Variants in NRG3 observed in about 807,000 individuals in gnomAD.
NRG3 encodes the protein pro-neuregulin-3, membrane-bound isoform.
Under a neutral mutation model 66.9 loss-of-function variants are expected in NRG3, and 31 were observed. The observed-to-expected ratio is 0.46, with a 90% CI of 0.35 to 0.63. The LOEUF is 0.63. Ranked by LOEUF, NRG3 falls within the 20% of genes least tolerant of loss-of-function variation. The probability of loss-of-function intolerance (pLI) is 0.00; values close to 1 mark genes in which losing one functional copy is unlikely to be tolerated. For missense variants in NRG3, 910 were observed against 878.9 expected (o/e 1.04, Z -0.45); for synonymous variants, 393 against 359.4 (o/e 1.09, Z -1.06).
intron 1 of NRG3, among the ~76,000 whole-genome samples, chr10:82,114,496 G>A (rs1043314189): frequency 5.3e-5 from 8 of 152,132 alleles, no homozygotes; most frequent in Admixed American, 3.9e-4. Context: ...AGCTGTGCCT[G>A]TAAGAAAAGA....
At chr10:81,876,295 C>A in intron 1 of NRG3, 132 bp downstream of exon 1, 1 of 1,280,170 alleles carries the variant, frequency 7.8e-7, no homozygotes, top group Non-Finnish European at 1.1e-6. Context: ...AGAGTGAGAG[C>A]TGATTAAAAC....
At position 82,576,572 on chromosome 10, in the gene NRG3, T is replaced by G. The variant is rs193162676; in HGVS notation, c.954-162005T>G. On this transcript the variant is annotated intron_variant, in intron 2 of 8. Transcript: ENST00000372141. ...GTGAGGGTTCATAGTTGGGGAAATA[T>G]AGAAAAAGGAAATGCTTATAACTTA... Among the ~76,000 whole-genome samples, 44 of 151,826 alleles carry G rather than the reference T, an allele frequency of 2.9e-4. 1 individual carries two copies. In the East Asian group the frequency reaches 7.4e-3, roughly 25 times the overall value.
chr10:82,477,774 G>A (rs1841912867), intron 2 of NRG3, among the ~76,000 whole-genome samples: 1 of 152,162 alleles, frequency 6.6e-6, no homozygotes, highest in Non-Finnish European at 1.5e-5. Context: ...AGAGGAATAA[G>A]GCATAAACCG....
intron 2 of NRG3, among the ~76,000 whole-genome samples, chr10:82,422,914 A>C (rs770685823): frequency 6.6e-6 from 1 of 152,000 alleles, no homozygotes; most frequent in African/African-American, 2.4e-5. Flanking sequence ...TATATAAATG[A>C]TATATGAGTT....
chr10:82,681,965 G>T (rs1015110902), intron 2 of NRG3, among the ~76,000 whole-genome samples: 1 of 152,182 alleles, frequency 6.6e-6, no homozygotes, highest in Non-Finnish European at 1.5e-5. Flanking sequence ...TATGGTGGGC[G>T]TAAGCTCAGT....
chr10:82,090,643 GC>G (rs1310329484), intron 1 of NRG3, among the ~76,000 whole-genome samples: 9 of 152,116 alleles, frequency 5.9e-5, no homozygotes, highest in African/African-American at 2.2e-4. Context: ...CGAGTGGATT[GC>G]CTAAATGGGG....
chr10:82,060,086 T>C (rs191226532), intron 1 of NRG3, among the ~76,000 whole-genome samples: 100 of 152,320 alleles, frequency 6.6e-4, no homozygotes, highest in Middle Eastern at 3.4e-3. Flanking sequence ...ATTGGCACAA[T>C]ATCTGACTCC....
At chr10:81,944,134 G>A (rs1028901426) in intron 1 of NRG3, among the ~76,000 whole-genome samples, 3 of 152,204 alleles carry the variant, frequency 2.0e-5, no homozygotes, top group Non-Finnish European at 4.4e-5. Flanking sequence ...TTTAACTTCA[G>A]ACCTGAGAAG....
At chr10:82,938,283 T>C (rs571564452) in intron 4 of NRG3, among the ~76,000 whole-genome samples, 42 of 152,226 alleles carry the variant, frequency 2.8e-4, no homozygotes, top group Admixed American at 5.9e-4. Context: ...CGTACACAGA[T>C]CTAGCTTCCT....
chr10:82,154,188 G>A (rs2071009176), intron 1 of NRG3, among the ~76,000 whole-genome samples: 1 of 151,896 alleles, frequency 6.6e-6, no homozygotes, highest in African/African-American at 2.4e-5. Context: ...TTTTCTTCTA[G>A]TCATTTTAAA....
chr10:82,323,559 A>G (rs931046435), intron 1 of NRG3, among the ~76,000 whole-genome samples: 8 of 151,920 alleles, frequency 5.3e-5, no homozygotes, highest in Admixed American at 4.6e-4. Flanking sequence ...TTTATGAAGA[A>G]CACTTGTATG....
At chr10:82,221,053 G>A (rs1015884582) in intron 1 of NRG3, among the ~76,000 whole-genome samples, 2 of 152,146 alleles carry the variant, frequency 1.3e-5, no homozygotes, top group Non-Finnish European at 2.9e-5. Context: ...TTCAGAAATG[G>A]TGGTTTAAAA....
intron 2 of NRG3, among the ~76,000 whole-genome samples, chr10:82,648,560 G>T (rs2051149739): frequency 6.6e-6 from 1 of 152,150 alleles, no homozygotes; most frequent in African/African-American, 2.4e-5. Flanking sequence ...TTGGTAGCTT[G>T]ATGGGGATGG....
intron 1 of NRG3, among the ~76,000 whole-genome samples, chr10:81,966,873 A>G (rs1007810198): frequency 1.3e-5 from 2 of 152,178 alleles, no homozygotes; most frequent in Non-Finnish European, 2.9e-5. Flanking sequence ...GTTTAATAAA[A>G]TCATATATGT....
chr10:82,311,295 T>C (rs1292439949), intron 1 of NRG3, among the ~76,000 whole-genome samples: 2 of 152,234 alleles, frequency 1.3e-5, no homozygotes, highest in African/African-American at 4.8e-5. Flanking sequence ...ATTAAATGTC[T>C]ATACTTTTAT....
At chr10:82,609,804 T>C (rs2048197112) in intron 2 of NRG3, among the ~76,000 whole-genome samples, 1 of 152,182 alleles carries the variant, frequency 6.6e-6, no homozygotes, top group African/African-American at 2.4e-5. Context: ...AAAGTAAAAT[T>C]AATGTTATCC....
intron 2 of NRG3, among the ~76,000 whole-genome samples, chr10:82,572,435 C>A (rs1024851697): frequency 3.2e-4 from 49 of 151,656 alleles, no homozygotes; most frequent in Non-Finnish European, 5.2e-4. Context: ...CCAAATGGAA[C>A]AAACACCCTT....
At chr10:82,817,728 G>C (rs890187463) in intron 3 of NRG3, among the ~76,000 whole-genome samples, 1 of 152,186 alleles carries the variant, frequency 6.6e-6, no homozygotes, top group Non-Finnish European at 1.5e-5. Flanking sequence ...CCATTAAAAG[G>C]TCTGTTTCCC....
chr10:82,485,599 A>G (rs1842620206), intron 2 of NRG3, among the ~76,000 whole-genome samples: 1 of 151,848 alleles, frequency 6.6e-6, no homozygotes, highest in African/African-American at 2.4e-5. Context: ...ACTGGCAAAG[A>G]GCAAGATACC....
Sources: gnomAD v4.1 joint callset for allele counts (sites outside exome capture counted in the v4.1 genomes callset) on GRCh38, gnomAD v4.1.1 for gene constraint, MANE v1.5 for transcripts, NCBI Gene and HGNC (gene_info 2026-07-23, HGNC 2026-07-21) for gene names.